The following IL20 variants were observed in gnomAD, a reference collection of about 807,000 sequenced individuals.
IL20 encodes interleukin 20, also known as interleukin-20.
Under a neutral mutation model 19.2 loss-of-function variants are expected in IL20, and 22 were observed. The observed-to-expected ratio is 1.15, with a 90% CI of 0.82 to 1.64. IL20 has a LOEUF of 1.64. IL20 is among the 40% of genes most tolerant of loss of function. The pLI, the probability that IL20 is intolerant of heterozygous loss-of-function variation, is 0.00. For missense variants in IL20, 215 were observed against 212.8 expected, an observed-to-expected ratio of 1.01 and a Z score of -0.06; for synonymous variants, 70 against 76.2, an observed-to-expected ratio of 0.92 and a Z score of 0.43.
chr1:206,866,398 G>A, intron 3 of IL20, 34 bp downstream of exon 3: 1 of 1,613,192 alleles, frequency 6.2e-7, no homozygotes, highest in East Asian at 2.2e-5. Context: ...TCTGGGAGGA[G>A]GAGTGGAGTG....
chr1:206,866,652 G>A lies in IL20; in HGVS notation c.378+16G>A. ...CCGGCTCTGTGTGAGTGTGGGTCTT[G>A]GGTGACAGGATGCATCTCAGCACAC... is the stretch of plus-strand genomic sequence containing the variant. On this transcript the variant is annotated intron_variant, in intron 4 of 5. Transcript: ENST00000367098. The A allele has an allele frequency of 6.2e-7, 1 of 1,612,968 alleles. No individual in the cohort carries two copies. The highest frequency in any genetic ancestry group is 8.5e-7 in the Non-Finnish European group (1 of 1,179,242).
chr1:206,865,755 C>A lies in IL20; in HGVS notation c.-30-68C>A. 6.5e-7 allele frequency: 1 copy of A among 1,535,728 alleles called. No homozygotes were observed. Among genetic ancestry groups the A allele is most frequent in the Non-Finnish European group, 8.8e-7 (1 of 1,138,872 alleles). ...CTGTTCTCTTCCCCTGACCCCCCAC[C>A]CCTCACCCCGTGGACACTTGGAGGA... On this transcript the variant is annotated intron_variant, in intron 1 of 5. Transcript: ENST00000367098. This position sits in a 1 kb window ranked among gnomAD's most constrained non-coding sequence, Gnocchi z 4.1.
chr1:206,865,878 G>C lies in IL20; in HGVS notation c.26G>C (p.Ser9Thr). 1 of 1,614,070 alleles carries C rather than the reference G, an allele frequency of 6.2e-7. No individual in the cohort carries two copies. Among genetic ancestry groups the C allele is most frequent in the Non-Finnish European group, 8.5e-7 (1 of 1,179,982 alleles). MKASSLAF[S>T]LLSAAFYLLW... Reference sequence around the variant, plus strand: ...ATGAAAGCCTCTAGTCTTGCCTTCAGCCTTCTCTCTGCTGCGTTTTATCTC... The same window carrying C: ...ATGAAAGCCTCTAGTCTTGCCTTCACCCTTCTCTCTGCTGCGTTTTATCTC... The change falls in exon 2 of 6, where the codon AGC (serine) becomes ACC (threonine). Residue 9 changes from serine (S) to threonine (T), a missense_variant. By Grantham distance (58) the Ser-to-Thr change is moderately conservative. Transcript: ENST00000367098. The surrounding 1 kb of genome is among the most constrained non-coding windows in gnomAD (Gnocchi z 4.1).
intron 4 of IL20, among the ~76,000 whole-genome samples, chr1:206,867,002 T>C (rs1409530776): frequency 6.6e-6 from 1 of 150,796 alleles, no homozygotes; most frequent in Non-Finnish European, 1.5e-5. Flanking sequence ...CCTCAGAATA[T>C]AGTCTGAATA....
chr1:206,868,208 CTTGA>C (rs1677614225), intron 5 of IL20, among the ~76,000 whole-genome samples: 1 of 151,942 alleles, frequency 6.6e-6, no homozygotes, highest in Non-Finnish European at 1.5e-5. Flanking sequence ...AAGAAAATAG[CTTGA>C]TTATTTTGAT....
At chr1:206,867,302 A>C in intron 4 of IL20, 82 bp from the exon 5 acceptor site, 1 of 1,164,400 alleles carries the variant, frequency 8.6e-7, no homozygotes, top group Non-Finnish European at 1.3e-6. Flanking sequence ...TGGGTGAAAG[A>C]GTAGAGTTTC....
chr1:206,864,092 C>A (rs887848811), upstream of IL20, among the ~76,000 whole-genome samples: 1 of 152,072 alleles, frequency 6.6e-6, no homozygotes, highest in African/African-American at 2.4e-5. Flanking sequence ...CTGAAATTTT[C>A]GTATTTCAGG....
rs1273296758 is a variant in IL20 at position 206,866,564 on chromosome 1, C to A, written c.306C>A (p.Asp102Glu). ...TATTTAAAAACTACCAGACCCCTGA[C>A]CATTATACTCTCCGGAAGATCAGCA... ...DRVFKNYQTPDHYTLRKISSL... is the reference protein window; with the variant it reads ...DRVFKNYQTPEHYTLRKISSL... The change falls in exon 4 of 6, where the codon GAC (aspartate) becomes GAA (glutamate). Residue 102 changes from aspartate to glutamate, a missense_variant. Physicochemically the swap from Asp to Glu is conservative, Grantham distance 45 (BLOSUM62 2). Transcript: ENST00000367098. The A allele has an allele frequency of 7.4e-6, 12 of 1,614,106 alleles. No individual in the cohort carries two copies. The highest frequency in any genetic ancestry group is 3.3e-5 in the Admixed American group (2 of 60,020).
chr1:206,867,031 CT>C (rs35155146), intron 4 of IL20, among the ~76,000 whole-genome samples: 73,366 of 133,998 alleles, frequency 0.55, 19,920 homozygotes, highest in Non-Finnish European at 0.62. Context: ...GAATTCAATT[CT>C]TTTTTTTTTT....
At chr1:206,865,622 C>T, upstream of IL20, 9 of 1,327,486 alleles carry the variant, frequency 6.8e-6, no homozygotes, top group Non-Finnish European at 8.7e-6. This position sits in a 1 kb window ranked among gnomAD's most constrained non-coding sequence, Gnocchi z 4.1. Flanking sequence ...GCCACCAACT[C>T]GCACTCAGAC....
rs757727136 is a variant in IL20, at chr1:206,867,361, AT to A, written c.379-21del. 4 of 1,606,022 alleles carry A rather than the reference AT, an allele frequency of 2.5e-6. No homozygotes were observed. In the South Asian group the frequency reaches 4.4e-5, roughly 18 times the overall value. On this transcript the variant is annotated intron_variant, in intron 4 of 5. Coordinates refer to ENST00000367098, the MANE Select transcript of IL20 (RefSeq NM_018724.4). ...AAAATCAGAATCTGTAATATAATCT[AT>A]TATTCTTTGGGTCCTTTTCAGCATG... is the stretch of plus-strand genomic sequence containing the variant.
chr1:206,865,061 C>A (rs1677505818), upstream of IL20, among the ~76,000 whole-genome samples: 1 of 152,176 alleles, frequency 6.6e-6, no homozygotes, highest in Non-Finnish European at 1.5e-5. The surrounding 1 kb of genome is among the most constrained non-coding windows in gnomAD (Gnocchi z 4.1). Context: ...TCCAGGAAAG[C>A]GTGTACTCTC....
In IL20 at chr1:206,869,102, T is replaced by A. The variant is rs540057973; in HGVS notation, c.*538T>A. The A allele has an allele frequency of 1.3e-5, 2 of 152,292 alleles. No individual in the cohort carries two copies. The highest frequency in any genetic ancestry group is 2.9e-5 in the Non-Finnish European group (2 of 68,034). 9.4% of individuals were successfully genotyped at this position (152,292 alleles called of 1,614,324 possible). A position where few individuals can be genotyped will look rare whatever the true frequency, so the allele number is the denominator to read the frequency against. On this transcript the variant is annotated 3_prime_UTR_variant, in exon 6 of 6. Transcript: ENST00000367098. ...ATAAGTTTTGATGTGGAATTGCACA[T>A]CTACCTTACAATTACTGACCATCCC...
At position 206,865,911 on chromosome 1, in the gene IL20, C is replaced by T; in HGVS notation, c.59C>T (p.Thr20Ile). The change falls in exon 2 of 6, where the codon ACT (threonine) becomes ATT (isoleucine). Residue 20 changes from threonine (T) to isoleucine (I), a missense_variant. By Grantham distance (89) the Thr-to-Ile change is moderately conservative. Transcript: ENST00000367098. This position sits in a 1 kb window ranked among gnomAD's most constrained non-coding sequence, Gnocchi z 4.1. ...TCTGCTGCGTTTTATCTCCTATGGA[C>T]TCCTTCCACTGGACTGAAGACACTC... ...LLSAAFYLLW[T>I]PSTGLKTLNL... The T allele has an allele frequency of 2.5e-6, 4 of 1,613,890 alleles. No homozygotes were observed. The highest frequency in any genetic ancestry group is 3.4e-6 in the Non-Finnish European group (4 of 1,179,762).
chr1:206,866,988 T>C (rs1677569346), intron 4 of IL20, among the ~76,000 whole-genome samples: 1 of 152,072 alleles, frequency 6.6e-6, no homozygotes, highest in African/African-American at 2.4e-5. Context: ...ACCATTGAGC[T>C]TGACCTCAGA....
Position 206,867,481 on chromosome 1 carries a change from T to A in IL20, c.453+23T>A, listed in dbSNP as rs776006156. 5.7e-6 allele frequency: 9 copies of A among 1,590,626 alleles called. No homozygotes were observed. In the Admixed American group the frequency reaches 1.5e-4, roughly 27 times the overall value. On this transcript the variant is annotated intron_variant, in intron 5 of 5. Coordinates refer to ENST00000367098, the MANE Select transcript of IL20 (RefSeq NM_018724.4). ...AAGGTATATGCGACTTTGGCATTGATTGGGATGGGTGTGTTTTAAGAACTG... is the reference window on the plus strand; with the variant it reads ...AAGGTATATGCGACTTTGGCATTGAATGGGATGGGTGTGTTTTAAGAACTG...
rs969336542 is a variant in IL20, at chr1:206,865,816, T to C, written c.-30-7T>C. 1.2e-6 allele frequency: 2 copies of C among 1,602,864 alleles called. No homozygotes were observed. Among genetic ancestry groups the C allele is most frequent in the Admixed American group, 1.7e-5 (1 of 59,212 alleles). On this transcript the variant is annotated splice_region_variant and splice_polypyrimidine_tract_variant and intron_variant, in intron 1 of 5. Coordinates refer to ENST00000367098, the MANE Select transcript of IL20 (RefSeq NM_018724.4). The surrounding 1 kb of genome is among the most constrained non-coding windows in gnomAD (Gnocchi z 4.1). Reference sequence around the variant, plus strand: ...AGTAAGTCATGCTCTCTTCTTTGAATTCCTAGCTCCTGTGGTCTCCAGATT... The same window carrying C: ...AGTAAGTCATGCTCTCTTCTTTGAACTCCTAGCTCCTGTGGTCTCCAGATT...
chr1:206,866,017 T>G lies in IL20; in HGVS notation c.159+6T>G. 6.2e-7 allele frequency: 1 copy of G among 1,613,588 alleles called. No homozygotes were observed. The highest frequency in any genetic ancestry group is 8.5e-7 in the Non-Finnish European group (1 of 1,179,480). ...CTGAGATACGGGGCAGTGTGGTACG[T>G]AAGCGGGTATCTACCTCTCCTGAAA... On this transcript the variant is annotated splice_donor_region_variant and intron_variant, in intron 2 of 5. Coordinates refer to ENST00000367098, the MANE Select transcript of IL20 (RefSeq NM_018724.4).
intron 5 of IL20, among the ~76,000 whole-genome samples, chr1:206,868,053 G>A (rs1443571776): frequency 2.0e-5 from 3 of 152,112 alleles, no homozygotes; most frequent in East Asian, 3.9e-4. Context: ...ACTGTGGATA[G>A]GGATTGTGCC....
Sources: allele counts gnomAD v4.1 joint callset (sites outside exome capture counted in the v4.1 genomes callset), GRCh38; gene constraint gnomAD v4.1.1; non-coding constraint Gnocchi (gnomAD v3.1); transcripts MANE v1.5; gene names NCBI Gene and HGNC (gene_info 2026-07-23, HGNC 2026-07-21).